FHL1: variants seen among roughly 807,000 people sequenced by gnomAD.
FHL1 encodes four and a half LIM domains 1, also known as four and a half LIM domains protein 1.
FHL1 carries 1 observed loss-of-function variant against 20.3 expected under a neutral mutation model. The ratio of observed to expected loss-of-function variants is 0.05; its 90% CI spans 0.02 to 0.23. FHL1 has a LOEUF of 0.23. Ranked by LOEUF, FHL1 falls within the 10% of genes least tolerant of loss-of-function variation. The pLI is 1.00. For synonymous variants in FHL1, 82 were observed against 88.9 expected, an observed-to-expected ratio of 0.92 and a Z score of 0.44; for missense variants, 177 against 234.0, an observed-to-expected ratio of 0.76 and a Z score of 1.59.
At chrX:136,179,382 A>C (rs2073096438) in intron 2 of FHL1, among the ~76,000 whole-genome samples, 1 of 111,789 alleles carries the variant, frequency 8.9e-6, no homozygotes, top group South Asian at 3.8e-4. Flanking sequence ...CTGCCGTTTG[A>C]ACTGTCAGTT....
Position 136,206,407 on chromosome X carries a change from G to A in FHL1, c.23G>A (p.Gly8Asp). 8.3e-7 allele frequency: 1 copy of A among 1,211,807 alleles called. No homozygotes were observed. The highest frequency in any genetic ancestry group is 1.1e-6 in the Non-Finnish European group (1 of 895,526). The part of the protein sequence containing the change: MASHRHS[G>D]PSSYKVGTMA... ...TTGTCCTGTCTGCTTGCCCCCGCAG[G>A]TCCCTCCAGCTACAAGGTGGGCACC... The change falls in exon 2 of 6, where the codon GGT becomes GAT. Residue 8 changes from glycine to aspartate, a missense_variant and splice_region_variant. Physicochemically the swap from Gly to Asp is moderately conservative, Grantham distance 94. Transcript: ENST00000370683.
At chrX:136,203,298 A>G (rs931788889) in intron 1 of FHL1, among the ~76,000 whole-genome samples, 1 of 111,966 alleles carries the variant, frequency 8.9e-6, no homozygotes, top group Non-Finnish European at 1.9e-5. Flanking sequence ...GCCCTTTGAA[A>G]TGATTCTCCA....
intron 1 of FHL1, among the ~76,000 whole-genome samples, chrX:136,158,059 C>T (rs2072468052): frequency 8.9e-6 from 1 of 111,844 alleles, no homozygotes; most frequent in African/African-American, 3.2e-5. Flanking sequence ...ATGTATCTAT[C>T]TGTCTAATCA....
chrX:136,206,235 A>G (rs2073836590), intron 1 of FHL1, 172 bp from the exon 2 acceptor site: 7 of 559,815 alleles, frequency 1.3e-5, no homozygotes, highest in Non-Finnish European at 1.5e-5. Context: ...ATCATAGTGA[A>G]GTATCTGTTG....
In FHL1 at chrX:136,209,776, G is replaced by C; in HGVS notation, c.737-95G>C. 1.4e-5 allele frequency: 14 copies of C among 1,024,015 alleles called. No homozygotes were observed. In the South Asian group the frequency reaches 2.9e-4, roughly 21 times the overall value. 84.4% of individuals were successfully genotyped at this position (1,024,015 alleles called of 1,213,427 possible). On this transcript the variant is annotated intron_variant, in intron 5 of 5. Transcript: ENST00000370683. ...GCTTGTCGGTCTGTGAGTGGGGCAG[G>C]TCGTCATTTTATCTCTCTGAATCGT...
intron 2 of FHL1, among the ~76,000 whole-genome samples, chrX:136,191,990 C>A (rs994488823): frequency 2.7e-5 from 3 of 111,844 alleles, no homozygotes; most frequent in Non-Finnish European, 5.6e-5. Flanking sequence ...GGAAATAAAA[C>A]AGATATGTCA....
chrX:136,167,306 A>G (rs1026501831), upstream of FHL1, among the ~76,000 whole-genome samples: 4 of 111,354 alleles, frequency 3.6e-5, no homozygotes, highest in Non-Finnish European at 7.5e-5. Context: ...TCCAGGTTCA[A>G]GCAATTCTCC....
upstream of FHL1, among the ~76,000 whole-genome samples, chrX:136,195,083 GTATTTTAGGCAA>G (rs1477074920): frequency 1.8e-5 from 2 of 112,201 alleles, no homozygotes; most frequent in Non-Finnish European, 3.8e-5. Context: ...ATTTTCTCTT[GTATTTTAGGCAA>G]AACAGATTTG....
intron 1 of FHL1, among the ~76,000 whole-genome samples, chrX:136,197,968 GT>G (rs56750734): frequency 0.4 from 38,650 of 96,293 alleles, 5,714 homozygotes; most frequent in African/African-American, 0.44. Context: ...CATTATCTAT[GT>G]TTTTTTTTTT....
At chrX:136,199,973 CA>C (rs2073664915) in intron 1 of FHL1, among the ~76,000 whole-genome samples, 1 of 111,800 alleles carries the variant, frequency 8.9e-6, no homozygotes, top group African/African-American at 3.2e-5. Flanking sequence ...AAGAAAAAAA[CA>C]AATGTTGTAA....
chrX:136,181,035 G>A (rs1267607902), intron 2 of FHL1, among the ~76,000 whole-genome samples: 1 of 112,575 alleles, frequency 8.9e-6, no homozygotes, highest in Non-Finnish European at 1.9e-5. Flanking sequence ...GAGCCACCGC[G>A]CCCGGCCCTG....
intron 1 of FHL1, among the ~76,000 whole-genome samples, chrX:136,162,065 G>C (rs1233944459): frequency 4.0e-5 from 4 of 99,826 alleles, no homozygotes; most frequent in African/African-American, 1.5e-4. Flanking sequence ...GGAGGTGGCA[G>C]TGAGATGAGA....
chrX:136,201,904 C>T (rs992921094), intron 1 of FHL1, among the ~76,000 whole-genome samples: 1 of 112,174 alleles, frequency 8.9e-6, no homozygotes, highest in Non-Finnish European at 1.9e-5. Flanking sequence ...CTCCCATTCC[C>T]GGATAACAGC....
chrX:136,169,983 A>C (rs1460454897), intron 2 of FHL1: 1 of 330,809 alleles, frequency 3.0e-6, no homozygotes, highest in Non-Finnish European at 5.9e-6. Context: ...AGCGTGAGGT[A>C]AGTTTTACTA....
chrX:136,151,156 C>T (rs1318402287), intron 1 of FHL1, among the ~76,000 whole-genome samples: 3 of 112,344 alleles, frequency 2.7e-5, no homozygotes, highest in South Asian at 3.7e-4. Flanking sequence ...TTTTGCCCCC[C>T]GGGGTCACTC....
intron 2 of FHL1, among the ~76,000 whole-genome samples, chrX:136,192,005 T>C (rs1175703495): frequency 8.9e-6 from 1 of 112,089 alleles, no homozygotes; most frequent in Admixed American, 9.4e-5. Context: ...ATGTCACAAG[T>C]AGGTGGTAGA....
chrX:136,155,933 G>A (rs964675748), intron 1 of FHL1, among the ~76,000 whole-genome samples: 2 of 110,609 alleles, frequency 1.8e-5, no homozygotes, highest in South Asian at 7.7e-4. Flanking sequence ...GCAAGACATA[G>A]TAGCTTTTCT....
chrX:136,195,429 T>C (rs1337522525), upstream of FHL1, among the ~76,000 whole-genome samples: 1 of 112,238 alleles, frequency 8.9e-6, no homozygotes, highest in Non-Finnish European at 1.9e-5. Flanking sequence ...ATTTTAGGGG[T>C]GTGGTGTTGT....
rs145287994 is a variant in FHL1 at position 136,200,997 on chromosome X, C to G, written c.22+3863C>G. Among the ~76,000 whole-genome samples, 131 of 110,884 alleles carry G rather than the reference C, an allele frequency of 1.2e-3. 2 individuals are homozygous for G. The East Asian group carries it at 0.036, about 31-fold the overall frequency. ...TGGTCAACATGCTGAAACTCTGTCT[C>G]TACTAAAAATACAAAAATTAGCCAG... On this transcript the variant is annotated intron_variant, in intron 1 of 5. Transcript: ENST00000370683.
Sources: allele counts gnomAD v4.1 joint callset (sites outside exome capture counted in the v4.1 genomes callset), GRCh38; gene constraint gnomAD v4.1.1; transcripts MANE v1.5; gene names NCBI Gene and HGNC (gene_info 2026-07-23, HGNC 2026-07-21).